Variants in VAC14 observed in about 807,000 individuals in gnomAD.
The protein encoded by VAC14 is protein VAC14 homolog.
Under a neutral mutation model 85.3 loss-of-function variants are expected in VAC14, and 47 were observed. The observed-to-expected ratio is 0.55, with a 90% CI of 0.44 to 0.70. The LOEUF (loss-of-function observed/expected upper bound fraction) is 0.70, where lower values mean the gene tolerates loss of function less well. Among genes scored for constraint, VAC14 ranks in the 30% least tolerant of loss-of-function variants. The probability of loss-of-function intolerance (pLI) is 0.00; values close to 1 mark genes in which losing one functional copy is unlikely to be tolerated. For synonymous variants in VAC14, 447 were observed against 430.5 expected (o/e 1.04, Z -0.47); for missense variants, 861 against 1,004.3 (o/e 0.86, Z 1.93).
chr16:70,789,742 C>G (rs979319288), intron 1 of VAC14, among the ~76,000 whole-genome samples: 1 of 152,188 alleles, frequency 6.6e-6, no homozygotes, highest in Non-Finnish European at 1.5e-5. Flanking sequence ...AGATCTAGAA[C>G]CTGGTCTCCT....
chr16:70,756,037 G>C (rs1409779985), intron 12 of VAC14: 2 of 456,792 alleles, frequency 4.4e-6, no homozygotes, highest in South Asian at 3.1e-5. Flanking sequence ...CTGGGACCCA[G>C]CTGGCCAACC....
chr16:70,758,317 T>C (rs1437036242), intron 12 of VAC14, among the ~76,000 whole-genome samples: 1 of 152,080 alleles, frequency 6.6e-6, no homozygotes, highest in African/African-American at 2.4e-5. Flanking sequence ...GTAGACATCA[T>C]TATCCCCTTT....
At chr16:70,757,865 C>T (rs376986829) in intron 12 of VAC14, among the ~76,000 whole-genome samples, 31 of 152,318 alleles carry the variant, frequency 2.0e-4, no homozygotes, top group African/African-American at 4.8e-4. Context: ...CAAGCTTCCA[C>T]TATTATTTTC....
Position 70,783,037 on chromosome 16 carries a change from T to C in VAC14, c.807A>G (p.Thr269=). The C allele has an allele frequency of 1.2e-6, 2 of 1,614,034 alleles. No individual in the cohort carries two copies. The highest frequency in any genetic ancestry group is 1.3e-5 in the African/African-American group (1 of 75,068). Residue 269 remains threonine, a synonymous_variant, in exon 7 of 19, where the codon ACA becomes ACG. Transcript: ENST00000261776. Reference sequence around the variant, plus strand: ...GGGCCCTCCCCCAATACTCACCTGTTGTCTGGCAGTGGATCACCAGGATGT... The same window carrying C: ...GGGCCCTCCCCCAATACTCACCTGTCGTCTGGCAGTGGATCACCAGGATGT... ...MANILVIHCQ[T]TDDLIQLTAM... is the part of the protein sequence containing the mutation.
intron 17 of VAC14, among the ~76,000 whole-genome samples, chr16:70,693,182 C>G (rs1360330692): frequency 1.3e-5 from 2 of 152,200 alleles, no homozygotes; most frequent in African/African-American, 4.8e-5. Context: ...GCCCCCACCT[C>G]CCCCAGGAGT....
At chr16:70,701,586 C>A (rs1213785218) in intron 14 of VAC14, among the ~76,000 whole-genome samples, 1 of 152,136 alleles carries the variant, frequency 6.6e-6, no homozygotes, top group Non-Finnish European at 1.5e-5. Context: ...GGTCCATCTC[C>A]CCATGTCTCA....
At chr16:70,713,185 T>C (rs1317843112) in intron 14 of VAC14, among the ~76,000 whole-genome samples, 1 of 151,956 alleles carries the variant, frequency 6.6e-6, no homozygotes, top group Admixed American at 6.6e-5. Context: ...GAGGCAGGAG[T>C]GCCTACTACA....
chr16:70,783,667 C>T, intron 5 of VAC14, 113 bp from the exon 6 acceptor site: 1 of 1,036,094 alleles, frequency 9.7e-7, no homozygotes, highest in South Asian at 1.4e-5. Flanking sequence ...CAGCATTTCC[C>T]TGCAGTGCAG....
chr16:70,760,036 C>T (rs776562063), intron 12 of VAC14, among the ~76,000 whole-genome samples: 5 of 152,148 alleles, frequency 3.3e-5, no homozygotes, highest in African/African-American at 4.8e-5. Flanking sequence ...AAGGGTCTAG[C>T]GCGATTCCTC....
At chr16:70,756,967 C>T (rs921484163) in intron 12 of VAC14, among the ~76,000 whole-genome samples, 1 of 152,172 alleles carries the variant, frequency 6.6e-6, no homozygotes, top group East Asian at 1.9e-4. Flanking sequence ...ATCCTACTTT[C>T]CAATTTTTCC....
Position 70,697,125 on chromosome 16 carries a change from G to A in VAC14, c.1955+14C>T. 1.9e-6 allele frequency: 3 copies of A among 1,604,934 alleles called. No homozygotes were observed. Among genetic ancestry groups the A allele is most frequent in the South Asian group, 1.1e-5 (1 of 90,724 alleles). ...TCAGAGGCTCAACCCCAACCACAGTGAGAGGAAGGATACAACTTCTGGATG... is the reference window on the plus strand; with the variant it reads ...TCAGAGGCTCAACCCCAACCACAGTAAGAGGAAGGATACAACTTCTGGATG... On this transcript the variant is annotated intron_variant, in intron 16 of 18. Coordinates refer to ENST00000261776, the MANE Select transcript of VAC14 (RefSeq NM_018052.5).
intron 12 of VAC14, chr16:70,761,166 A>T (rs2032345736): frequency 2.2e-6 from 1 of 455,652 alleles, no homozygotes; most frequent in African/African-American, 2.0e-5. Flanking sequence ...AGGTTCGGGA[A>T]AGCAAATTCA....
intron 13 of VAC14, among the ~76,000 whole-genome samples, chr16:70,739,956 A>G (rs978973108): frequency 7.9e-5 from 12 of 152,046 alleles, no homozygotes; most frequent in African/African-American, 2.7e-4. Flanking sequence ...TGACATGAAC[A>G]GTTTTTTTGT....
At chr16:70,706,235 G>A (rs2142994045) in intron 14 of VAC14, among the ~76,000 whole-genome samples, 1 of 152,342 alleles carries the variant, frequency 6.6e-6, no homozygotes, top group East Asian at 1.9e-4. Context: ...GTTCTTACAT[G>A]GGTGACTGGG....
chr16:70,698,856 AGGCTCTGTGTCTCAGCCTGGGAG>A (rs1204011293), intron 14 of VAC14, 45 bp from the exon 15 acceptor site: 1 of 1,603,700 alleles, frequency 6.2e-7, no homozygotes, highest in African/African-American at 1.3e-5. Flanking sequence ...CCGACCTGGA[AGGCTCTGTGTCTCAGCCTGGGAG>A]GCCTCCTCTT....
intron 12 of VAC14, among the ~76,000 whole-genome samples, chr16:70,759,751 G>A (rs1462286279): frequency 6.6e-6 from 1 of 152,184 alleles, no homozygotes; most frequent in East Asian, 1.9e-4. Context: ...GTGAAATCAT[G>A]AGGAAATGAG....
At chr16:70,722,739 A>G (rs1331217789) in intron 14 of VAC14, among the ~76,000 whole-genome samples, 6 of 152,156 alleles carry the variant, frequency 3.9e-5, no homozygotes, top group African/African-American at 1.4e-4. Flanking sequence ...GAGGATGGAA[A>G]ATGGCTTCTA....
Position 70,688,516 on chromosome 16 carries a change from A to T in VAC14, c.2187-426T>A, listed in dbSNP as rs922734028. The T allele has an allele frequency of 8.1e-6, 8 of 987,208 alleles. No individual in the cohort carries two copies. In the African/African-American group the frequency reaches 1.4e-4, roughly 17 times the overall value. The allele number at this position is 987,208 out of a possible 1,614,324, so 61.2% of individuals were successfully genotyped here. A position where few individuals can be genotyped will look rare whatever the true frequency, so the allele number is the denominator to read the frequency against. ...CCTTTCTCTGAGAGGCAGGGCTAGGACTGGGGAAAATGGGAATTGCTGAAG... is the reference window on the plus strand; with the variant it reads ...CCTTTCTCTGAGAGGCAGGGCTAGGTCTGGGGAAAATGGGAATTGCTGAAG... On this transcript the variant is annotated intron_variant, in intron 18 of 18. Coordinates refer to ENST00000261776, the MANE Select transcript of VAC14 (RefSeq NM_018052.5).
Position 70,688,445 on chromosome 16 carries a change from G to A in VAC14, c.2187-355C>T, listed in dbSNP as rs571732622. The A allele has an allele frequency of 1.6e-3, 1,564 of 1,002,942 alleles. 2 individuals carry two copies. Among genetic ancestry groups the A allele is most frequent in the Non-Finnish European group, 1.7e-3 (1,456 of 841,712 alleles). 62.1% of individuals were successfully genotyped at this position (1,002,942 alleles called of 1,614,324 possible). On this transcript the variant is annotated intron_variant, in intron 18 of 18. Coordinates refer to ENST00000261776, the MANE Select transcript of VAC14 (RefSeq NM_018052.5). Reference sequence around the variant, plus strand: ...TAGCAGCCAGCCAGGAAGCCAGCTGGGGCCTGGAACAGGGTCTGGGGAGAA... The same window carrying A: ...TAGCAGCCAGCCAGGAAGCCAGCTGAGGCCTGGAACAGGGTCTGGGGAGAA...
Sources: allele counts gnomAD v4.1 joint callset (sites outside exome capture counted in the v4.1 genomes callset), GRCh38; gene constraint gnomAD v4.1.1; transcripts MANE v1.5; gene names NCBI Gene and HGNC (gene_info 2026-07-23, HGNC 2026-07-21).